LAMA1: variants seen among roughly 807,000 people sequenced by gnomAD.
LAMA1 encodes the protein laminin subunit alpha 1.
Under a neutral mutation model 348.7 loss-of-function variants are expected in LAMA1, and 219 were observed. That is an observed-to-expected ratio of 0.63 (90% CI 0.56 to 0.70). The LOEUF is 0.70. Among genes scored for constraint, LAMA1 ranks in the 30% least tolerant of loss-of-function variants. The pLI, the probability that LAMA1 is intolerant of heterozygous loss-of-function variation, is 0.00. For synonymous variants in LAMA1, 1,487 were observed against 1,491.0 expected, an observed-to-expected ratio of 1.00 and a Z score of 0.06; for missense variants, 3,744 against 3,888.0, an observed-to-expected ratio of 0.96 and a Z score of 0.99.
intron 3 of LAMA1, among the ~76,000 whole-genome samples, chr18:7,053,782 T>C (rs1359726113): frequency 2.3e-5 from 2 of 87,656 alleles, no homozygotes; most frequent in African/African-American, 1.2e-4. Flanking sequence ...ATTAGAGGAT[T>C]TTTTTTTTTT....
intron 3 of LAMA1, among the ~76,000 whole-genome samples, chr18:7,051,904 T>C (rs1254830992): frequency 4.6e-5 from 7 of 152,122 alleles, no homozygotes. Flanking sequence ...CCATTCTCAG[T>C]AATAAAAATG....
chr18:6,979,689 G>A (rs545792439), intron 42 of LAMA1, among the ~76,000 whole-genome samples: 1 of 152,124 alleles, frequency 6.6e-6, no homozygotes, highest in African/African-American at 2.4e-5. Flanking sequence ...CACGAGGTCA[G>A]GAGATCGAGA....
Position 6,992,642 on chromosome 18 carries a change from T to C in LAMA1, c.5087A>G (p.Gln1696Arg), listed in dbSNP as rs1358831938. 11 of 1,613,890 alleles carry C rather than the reference T, an allele frequency of 6.8e-6. No individual in the cohort carries two copies. In the East Asian group the frequency reaches 2.5e-4, roughly 36 times the overall value. ...LLPNSTLQNMQQNGTSLLEIM... is the reference protein window; with the variant it reads ...LLPNSTLQNMRQNGTSLLEIM... The stretch of plus-strand genomic sequence containing the variant: ...TTCTAGCAAAGATGTACCATTCTGT[T>C]GCATGTTCTGAAGAGTAGAATTGGG... Residue 1696 changes from glutamine to arginine, a missense_variant, in exon 36 of 63, where the codon CAA (glutamine) becomes CGA (arginine). Physicochemically the swap from Gln to Arg is conservative, Grantham distance 43. Coordinates refer to ENST00000389658, the MANE Select transcript of LAMA1 (RefSeq NM_005559.4).
chr18:7,113,331 G>T, intron 1 of LAMA1, among the ~76,000 whole-genome samples: 1 of 152,202 alleles, frequency 6.6e-6, no homozygotes, highest in East Asian at 1.9e-4. Context: ...ATGCCTCTCA[G>T]CTCTGAGACA....
chr18:6,999,944 C>T lies in LAMA1; in HGVS notation c.4436G>A (p.Cys1479Tyr). ...GTGTTTTCCTTCATAGCCCAGGAGA[C>T]AGGCGTCACAACGGAAATCGTGGTC... ...EGDHDFRCDA[C>Y]LLGYEGKHCE... The change falls in exon 31 of 63, where the codon TGT becomes TAT. Residue 1479 changes from cysteine (C) to tyrosine (Y), a missense_variant. Physicochemically the swap from Cys to Tyr is radical, Grantham distance 194 (BLOSUM62 -2). Coordinates refer to ENST00000389658, the MANE Select transcript of LAMA1 (RefSeq NM_005559.4). 6.2e-7 allele frequency: 1 copy of T among 1,614,134 alleles called. No homozygotes were observed. The highest frequency in any genetic ancestry group is 8.5e-7 in the Non-Finnish European group (1 of 1,179,980).
At chr18:7,048,760 A>G (rs1373943816) in intron 5 of LAMA1, among the ~76,000 whole-genome samples, 1 of 152,192 alleles carries the variant, frequency 6.6e-6, no homozygotes, top group Non-Finnish European at 1.5e-5. Flanking sequence ...GATATGAAAG[A>G]AAATTCTCAG....
chr18:6,973,074 G>C lies in LAMA1; in HGVS notation c.6757C>G (p.Leu2253Val). ...NNSTLMFVGG[L>V]GGQIKKSPAV... ...AATGTTACCTTGATTTGTCCTCCAA[G>C]ACCTCCAACAAACATGAGTGTTGAA... The change falls in exon 47 of 63, where the codon CTT becomes GTT. Residue 2253 changes from leucine (L) to valine (V), a missense_variant. This residue lies in a region of LAMA1 where 1,983 missense variants were observed against 1,934.3 expected (regional missense o/e 1.03). Coordinates refer to ENST00000389658, the MANE Select transcript of LAMA1 (RefSeq NM_005559.4). The C allele has an allele frequency of 6.2e-7, 1 of 1,614,058 alleles. No homozygotes were observed. The highest frequency in any genetic ancestry group is 8.5e-7 in the Non-Finnish European group (1 of 1,179,960).
At chr18:7,117,467 C>T (rs940420381) in intron 1 of LAMA1, among the ~76,000 whole-genome samples, 193 bp downstream of exon 1, 1 of 152,128 alleles carries the variant, frequency 6.6e-6, no homozygotes, top group African/African-American at 2.4e-5. Context: ...GGGCAGCGTC[C>T]GGCAGGAGCG....
intron 34 of LAMA1, among the ~76,000 whole-genome samples, chr18:6,995,028 T>C (rs74670499): frequency 0.015 from 2,353 of 152,214 alleles, 53 homozygotes; most frequent in African/African-American, 0.049. Context: ...CTGAATGAAT[T>C]TAGGAGAAGG....
At chr18:7,090,883 A>G (rs555915594) in intron 1 of LAMA1, among the ~76,000 whole-genome samples, 1 of 152,182 alleles carries the variant, frequency 6.6e-6, no homozygotes, top group Non-Finnish European at 1.5e-5. Context: ...AGGGGGTGGT[A>G]AGCAGAAGGA....
intron 61 of LAMA1, among the ~76,000 whole-genome samples, chr18:6,944,397 G>A (rs1568001141): frequency 1.3e-5 from 2 of 152,202 alleles, no homozygotes; most frequent in Non-Finnish European, 2.9e-5. Flanking sequence ...CCCACAGCAA[G>A]TAAAGAGATC....
At chr18:7,014,989 G>A (rs2144123594) in intron 22 of LAMA1, among the ~76,000 whole-genome samples, 1 of 152,218 alleles carries the variant, frequency 6.6e-6, no homozygotes, top group East Asian at 1.9e-4. Flanking sequence ...TGGGACTACA[G>A]GCGCCCATCA....
intron 5 of LAMA1, among the ~76,000 whole-genome samples, chr18:7,047,387 CT>C (rs1370612535): frequency 1.3e-5 from 2 of 151,916 alleles, no homozygotes; most frequent in African/African-American, 4.8e-5. Context: ...TGAACAAGAC[CT>C]TTTCAAATAA....
chr18:6,978,788 A>T (rs4798523), intron 42 of LAMA1, among the ~76,000 whole-genome samples: 3,256 of 152,300 alleles, frequency 0.021, 63 homozygotes, highest in African/African-American at 0.047. Context: ...GCTTCATGAA[A>T]CATGTCCTCC....
intron 1 of LAMA1, among the ~76,000 whole-genome samples, chr18:7,088,940 G>A (rs376424684): frequency 3.5e-4 from 53 of 152,222 alleles, no homozygotes; most frequent in East Asian, 1.2e-3. Flanking sequence ...CTAGGAGCTC[G>A]AGGTTGCAGA....
At chr18:7,051,410 A>G (rs1012499361) in intron 3 of LAMA1, among the ~76,000 whole-genome samples, 3 of 152,232 alleles carry the variant, frequency 2.0e-5, no homozygotes, top group Non-Finnish European at 4.4e-5. Context: ...GTGCACCTTG[A>G]GAGAACTGGT....
At chr18:7,099,248 T>C (rs927153525) in intron 1 of LAMA1, among the ~76,000 whole-genome samples, 12 of 150,746 alleles carry the variant, frequency 8.0e-5, no homozygotes, top group African/African-American at 2.7e-4. Context: ...ATGTGCTTTG[T>C]TAAACAGATG....
chr18:7,011,226 A>G (rs2057858208), intron 25 of LAMA1, 74 bp downstream of exon 25: 1 of 1,505,852 alleles, frequency 6.6e-7, no homozygotes, highest in African/African-American at 1.4e-5. Context: ...GCCGGCCCAG[A>G]CTATGGTGAT....
chr18:7,110,896 C>G (rs1048981380), intron 1 of LAMA1, among the ~76,000 whole-genome samples: 1 of 151,716 alleles, frequency 6.6e-6, no homozygotes, highest in African/African-American at 2.4e-5. Context: ...CCTCCCCCCC[C>G]CCACTTCTAA....
Sources: gnomAD v4.1 joint callset for allele counts (sites outside exome capture counted in the v4.1 genomes callset) on GRCh38, gnomAD v4.1.1 for gene constraint, gnomAD v4.1.1 regional missense constraint, MANE v1.5 for transcripts, NCBI Gene and HGNC (gene_info 2026-07-23, HGNC 2026-07-21) for gene names.